MYO1E: variants seen among roughly 807,000 people sequenced by gnomAD.
MYO1E encodes the protein myosin IE.
A neutral mutation model predicts 151.1 loss-of-function variants in MYO1E; 68 were observed. That is an observed-to-expected ratio of 0.45 (90% CI 0.37 to 0.55). The LOEUF (loss-of-function observed/expected upper bound fraction) is 0.55, where lower values mean the gene tolerates loss of function less well. Among genes scored for constraint, MYO1E ranks in the 20% least tolerant of loss-of-function variants. The probability of loss-of-function intolerance (pLI) is 0.00; values close to 1 mark genes in which losing one functional copy is unlikely to be tolerated. For synonymous variants in MYO1E, 601 were observed against 501.7 expected (o/e 1.20, Z -2.64); for missense variants, 1,363 against 1,389.3 (o/e 0.98, Z 0.30).
At chr15:59,341,030 A>G (rs908423807) in intron 1 of MYO1E, among the ~76,000 whole-genome samples, 1 of 148,992 alleles carries the variant, frequency 6.7e-6, no homozygotes, top group Non-Finnish European at 1.5e-5. Context: ...AAAAAAAAAA[A>G]AAAAGAAAAA....
At position 59,135,484 on chromosome 15, in the gene MYO1E, G is replaced by C. The variant is rs2079366813; in HGVS notation, c.*1896C>G. 6.6e-6 allele frequency: 1 copy of C among 152,166 alleles called. No individual in the cohort carries two copies. The highest frequency in any genetic ancestry group is 2.4e-5 in the African/African-American group (1 of 41,418). The allele number at this position is 152,166 out of a possible 1,614,324, so 9.4% of individuals were successfully genotyped here. A position where few individuals can be genotyped will look rare whatever the true frequency, so the allele number is the denominator to read the frequency against. ...CTTCCTCCCACTGCGGGGAGTCCAT[G>C]AATGTGAAAGTACTTTAGAGACCAC... On this transcript the variant is annotated 3_prime_UTR_variant, in exon 28 of 28. Coordinates refer to ENST00000288235, the MANE Select transcript of MYO1E (RefSeq NM_004998.4).
intron 26 of MYO1E, among the ~76,000 whole-genome samples, chr15:59,144,409 C>T (rs1026501984): frequency 2.4e-4 from 37 of 152,018 alleles, no homozygotes; most frequent in Non-Finnish European, 4.0e-4. Flanking sequence ...TCAAGTGATC[C>T]GCCCGCCTCA....
At chr15:59,183,645 T>A (rs1340867803) in intron 18 of MYO1E, among the ~76,000 whole-genome samples, 1 of 152,226 alleles carries the variant, frequency 6.6e-6, no homozygotes, top group Non-Finnish European at 1.5e-5. Flanking sequence ...AAATGGGGTG[T>A]CCATCTCCTC....
At chr15:59,206,723 A>G in intron 14 of MYO1E, 3 of 550,996 alleles carry the variant, frequency 5.4e-6, no homozygotes, top group Non-Finnish European at 9.6e-6. Context: ...ATCACTTGCT[A>G]GAGAAGCAGC....
At chr15:59,256,136 T>A (rs1297259230) in intron 4 of MYO1E, 148 bp downstream of exon 4, 7 of 635,046 alleles carry the variant, frequency 1.1e-5, no homozygotes, top group Non-Finnish European at 2.0e-5. Context: ...TAAAGCAAGA[T>A]AAAGCAGCTA....
intron 16 of MYO1E, among the ~76,000 whole-genome samples, chr15:59,198,081 C>T (rs755205316): frequency 4.6e-5 from 7 of 152,122 alleles, no homozygotes; most frequent in Non-Finnish European, 7.3e-5. Context: ...TTCCCAGGCT[C>T]GTCTCCAATC....
chr15:59,291,198 T>C (rs1249244655), intron 1 of MYO1E, among the ~76,000 whole-genome samples: 1 of 152,210 alleles, frequency 6.6e-6, no homozygotes, highest in Non-Finnish European at 1.5e-5. Flanking sequence ...CAAAAGTCTC[T>C]TTCTACCTGA....
At chr15:59,277,564 A>AACAAAAAAAAAAAC (rs1567000054) in intron 1 of MYO1E, among the ~76,000 whole-genome samples, 9 of 139,794 alleles carry the variant, frequency 6.4e-5, no homozygotes, top group Non-Finnish European at 1.2e-4. Context: ...AAAAAAAAAA[A>AACAAAAAAAAAAAC]AAAAAAAAAC....
intron 17 of MYO1E, among the ~76,000 whole-genome samples, chr15:59,191,765 A>G (rs2079735877): frequency 6.6e-6 from 1 of 152,194 alleles, no homozygotes; most frequent in African/African-American, 2.4e-5. Flanking sequence ...ATTTTTGCAT[A>G]TTCCTGGAGC....
chr15:59,214,614 C>A (rs1421064636), intron 11 of MYO1E, 26 bp downstream of exon 11: 3 of 1,556,742 alleles, frequency 1.9e-6, no homozygotes, highest in South Asian at 2.2e-5. Flanking sequence ...CCCTCCTCAA[C>A]CCCTAGTTAT....
intron 1 of MYO1E, among the ~76,000 whole-genome samples, chr15:59,277,875 G>C (rs181212602): frequency 1.3e-5 from 2 of 152,224 alleles, no homozygotes; most frequent in East Asian, 3.9e-4. Flanking sequence ...TTTTTAAAAC[G>C]GCATGTTTGC....
chr15:59,183,544 T>C (rs1286149355), intron 18 of MYO1E, among the ~76,000 whole-genome samples: 1 of 152,102 alleles, frequency 6.6e-6, no homozygotes, highest in Non-Finnish European at 1.5e-5. Flanking sequence ...GGTATACATA[T>C]TTATGGGTTG....
At chr15:59,283,798 A>G (rs965023907) in intron 1 of MYO1E, among the ~76,000 whole-genome samples, 7 of 152,164 alleles carry the variant, frequency 4.6e-5, no homozygotes, top group Admixed American at 2.6e-4. Context: ...GCCCTTAAAC[A>G]TTGTACCTAC....
At chr15:59,169,565 CT>C (rs1274001694) in intron 22 of MYO1E, among the ~76,000 whole-genome samples, 2 of 151,444 alleles carry the variant, frequency 1.3e-5, no homozygotes, top group Admixed American at 1.3e-4. Flanking sequence ...CTCACACTTT[CT>C]TTTTTTTTCC....
intron 23 of MYO1E, among the ~76,000 whole-genome samples, chr15:59,161,901 A>C (rs1206091273): frequency 6.6e-6 from 1 of 152,218 alleles, no homozygotes; most frequent in Non-Finnish European, 1.5e-5. Context: ...AAAAATCATA[A>C]TTTTAAGTAG....
chr15:59,251,460 C>A (rs1022290948), intron 4 of MYO1E, among the ~76,000 whole-genome samples: 2 of 152,094 alleles, frequency 1.3e-5, no homozygotes, highest in African/African-American at 4.8e-5. Context: ...ATGCAGTCAG[C>A]GTTACTTGAT....
intron 26 of MYO1E, among the ~76,000 whole-genome samples, chr15:59,144,726 T>C (rs866274165): frequency 6.6e-6 from 1 of 152,198 alleles, no homozygotes; most frequent in Non-Finnish European, 1.5e-5. Flanking sequence ...GGAAGCCACC[T>C]TGGAACACAG....
chr15:59,215,751 T>C (rs757006925), intron 10 of MYO1E, among the ~76,000 whole-genome samples: 1 of 152,168 alleles, frequency 6.6e-6, no homozygotes, highest in African/African-American at 2.4e-5. Flanking sequence ...TATATGAGTA[T>C]TCATGTACTG....
At position 59,158,321 on chromosome 15, in the gene MYO1E, G is replaced by T. The variant is rs766626418; in HGVS notation, c.2844C>A (p.Ala948=). 2.3e-5 allele frequency: 36 copies of T among 1,577,632 alleles called. No homozygotes were observed. The highest frequency in any genetic ancestry group is 3.6e-5 in the Admixed American group (2 of 55,954). The change falls in exon 25 of 28, where the codon GCC becomes GCA. Residue 948 remains alanine, a synonymous_variant. Transcript: ENST00000288235. The part of the protein sequence containing the change: ...NTGYSSGTQN[A]NYPVRAAPPP... ...GAGGGGCAGCTCTCACTGGGTAGTTGGCATTTTGAGTCCCACTGGAATAAC... is the reference window on the plus strand; with the variant it reads ...GAGGGGCAGCTCTCACTGGGTAGTTTGCATTTTGAGTCCCACTGGAATAAC...
Sources: allele counts gnomAD v4.1 joint callset (sites outside exome capture counted in the v4.1 genomes callset), GRCh38; gene constraint gnomAD v4.1.1; transcripts MANE v1.5; gene names NCBI Gene and HGNC (gene_info 2026-07-23, HGNC 2026-07-21).